Variants in DCDC1 observed in about 807,000 individuals in gnomAD.
DCDC1 encodes doublecortin domain-containing protein 1.
A neutral mutation model predicts 178.3 loss-of-function variants in DCDC1; 200 were observed. The ratio of observed to expected loss-of-function variants is 1.12; its 90% CI spans 1.00 to 1.26. The LOEUF is 1.26. DCDC1 is among the 50% of genes most tolerant of loss of function. DCDC1 has a pLI of 0.00. For synonymous variants in DCDC1, 690 were observed against 604.8 expected (o/e 1.14, Z -2.07); for missense variants, 1,983 against 1,749.2 (o/e 1.13, Z -2.38).
At chr11:31,318,790 C>A (rs1411721298) in intron 3 of DCDC1, among the ~76,000 whole-genome samples, 1 of 61,962 alleles carries the variant, frequency 1.6e-5, no homozygotes, top group South Asian at 4.8e-4. Context: ...CTCTTGTAGG[C>A]ATTTAGTGCT....
At chr11:31,175,572 A>T (rs1005041999) in intron 9 of DCDC1, among the ~76,000 whole-genome samples, 7 of 152,214 alleles carry the variant, frequency 4.6e-5, no homozygotes, top group Non-Finnish European at 7.4e-5. Context: ...AGACCACCAC[A>T]GGGCTGCTCA....
chr11:31,244,834 T>C (rs1305787368), intron 8 of DCDC1, among the ~76,000 whole-genome samples: 1 of 151,768 alleles, frequency 6.6e-6, no homozygotes, highest in Non-Finnish European at 1.5e-5. Context: ...AAGTTATGAC[T>C]ATAGGGCAAA....
chr11:30,961,462 G>C (rs758252757), intron 20 of DCDC1, among the ~76,000 whole-genome samples: 16 of 151,996 alleles, frequency 1.1e-4, no homozygotes, highest in Non-Finnish European at 2.1e-4. Context: ...TAACAAACAT[G>C]AGGGTTAAAA....
rs895571497 is a variant in DCDC1 at position 31,299,751 on chromosome 11, A to G, written c.754+5864T>C. On this transcript the variant is annotated intron_variant, in intron 6 of 38. Transcript: ENST00000684477. ...AGGATGGAGCAAAAGAAGGAAAATAAATAAGGGCAGGTAGAAAAATAACAT... is the reference window on the plus strand; with the variant it reads ...AGGATGGAGCAAAAGAAGGAAAATAGATAAGGGCAGGTAGAAAAATAACAT... Among the ~76,000 whole-genome samples the G allele has an allele frequency of 2.0e-5, 3 of 152,226 alleles. No individual in the cohort carries two copies. The East Asian group carries it at 5.8e-4, about 29-fold the overall frequency.
intron 17 of DCDC1, among the ~76,000 whole-genome samples, chr11:31,089,255 T>A (rs1957656175): frequency 6.6e-6 from 1 of 152,204 alleles, no homozygotes; most frequent in Non-Finnish European, 1.5e-5. Flanking sequence ...TTAAAGATGT[T>A]TTTCCACTGT....
chr11:30,866,297 G>C (rs1315643029), intron 38 of DCDC1, among the ~76,000 whole-genome samples: 1 of 152,146 alleles, frequency 6.6e-6, no homozygotes, highest in African/African-American at 2.4e-5. Context: ...CTGTTCTGGA[G>C]GCTGGGAAGT....
At chr11:31,336,812 T>TGTTA (rs753129778) in intron 1 of DCDC1, among the ~76,000 whole-genome samples, 36 of 152,340 alleles carry the variant, frequency 2.4e-4, no homozygotes, top group Non-Finnish European at 4.3e-4. Context: ...GCCAATGGCA[T>TGTTA]GTTAGTGGAG....
intron 21 of DCDC1, among the ~76,000 whole-genome samples, chr11:30,948,447 T>C (rs745854284): frequency 2.6e-5 from 4 of 152,162 alleles, no homozygotes; most frequent in Non-Finnish European, 5.9e-5. Context: ...ATTTATAGAT[T>C]CAGTGCTCTC....
intron 7 of DCDC1, among the ~76,000 whole-genome samples, chr11:31,275,026 C>G (rs921615928): frequency 6.6e-6 from 1 of 152,046 alleles, no homozygotes; most frequent in African/African-American, 2.4e-5. Context: ...TTGTCCACCA[C>G]TAGACTAAAA....
At chr11:31,085,077 A>G (rs1029334490) in intron 17 of DCDC1, among the ~76,000 whole-genome samples, 1 of 151,696 alleles carries the variant, frequency 6.6e-6, no homozygotes, top group African/African-American at 2.4e-5. Context: ...GAACTATCCC[A>G]TTGAGAAAGG....
chr11:31,235,933 A>G (rs193176792), intron 9 of DCDC1, among the ~76,000 whole-genome samples: 2 of 152,200 alleles, frequency 1.3e-5, no homozygotes, highest in Admixed American at 6.6e-5. Context: ...CATGTAAAAA[A>G]GAAAAACCTC....
chr11:31,365,141 T>C (rs2133414711), intron 1 of DCDC1, among the ~76,000 whole-genome samples: 1 of 152,324 alleles, frequency 6.6e-6, no homozygotes, highest in East Asian at 1.9e-4. Context: ...GTCAACTTTG[T>C]TTTGTGTCTC....
chr11:31,170,916 C>A (rs1210101957), intron 9 of DCDC1, among the ~76,000 whole-genome samples: 2 of 152,030 alleles, frequency 1.3e-5, no homozygotes, highest in Non-Finnish European at 2.9e-5. Flanking sequence ...CGCAACCTTG[C>A]CTCCCGGGTT....
chr11:31,154,060 T>C (rs1179823860), intron 9 of DCDC1, among the ~76,000 whole-genome samples: 1 of 152,074 alleles, frequency 6.6e-6, no homozygotes, highest in Non-Finnish European at 1.5e-5. Context: ...CGCTAGCGAG[T>C]GAGTTCTCAC....
chr11:31,152,979 A>G (rs1027466173), intron 9 of DCDC1, among the ~76,000 whole-genome samples: 2 of 152,166 alleles, frequency 1.3e-5, no homozygotes, highest in African/African-American at 4.8e-5. Flanking sequence ...CTATCTCTAC[A>G]TATTGTTGCC....
In DCDC1 at chr11:31,094,125, G is replaced by A. The variant is rs1469493218; in HGVS notation, c.2043C>T (p.Gly681=). Residue 681 remains glycine (G), a synonymous_variant, in exon 16 of 39, where the codon GGC becomes GGT. Transcript: ENST00000684477. ...TTTGACTCCTGCTGCTTGCTTCACT[G>A]CCTGAGAAACTCCACTTTCCAATGG... is the stretch of plus-strand genomic sequence containing the variant. ...SVSIGKWSFS[G]SEASSRSQIA... 1.3e-6 allele frequency: 1 copy of A among 766,058 alleles called. No homozygotes were observed. Among genetic ancestry groups the A allele is most frequent in the African/African-American group, 1.7e-5 (1 of 59,058 alleles). 47.5% of individuals were successfully genotyped at this position (766,058 alleles called of 1,614,324 possible).
intron 32 of DCDC1, among the ~76,000 whole-genome samples, chr11:30,901,688 C>T (rs1190340563): frequency 6.6e-6 from 1 of 152,058 alleles, no homozygotes; most frequent in East Asian, 1.9e-4. Context: ...AATAATATTA[C>T]TCCAACCAGG....
In DCDC1 at chr11:30,863,717, G is replaced by T. The variant is rs1940800356; in HGVS notation, c.*1656C>A. 6.6e-6 allele frequency: 1 copy of T among 152,230 alleles called. No individual in the cohort carries two copies. Among genetic ancestry groups the T allele is most frequent in the South Asian group, 2.1e-4 (1 of 4,830 alleles). 9.4% of individuals were successfully genotyped at this position (152,230 alleles called of 1,614,324 possible). A position where few individuals can be genotyped will look rare whatever the true frequency, so the allele number is the denominator to read the frequency against. On this transcript the variant is annotated 3_prime_UTR_variant, in exon 39 of 39. Coordinates refer to ENST00000684477, the MANE Select transcript of DCDC1 (RefSeq NM_001387274.1). ...TATTTAGAAATCATCCATTTGAGAA[G>T]TCCAGATTACGTATCCCCCACACCT...
At chr11:30,930,346 T>C (rs1339741059) in intron 22 of DCDC1, among the ~76,000 whole-genome samples, 1 of 152,116 alleles carries the variant, frequency 6.6e-6, no homozygotes, top group Non-Finnish European at 1.5e-5. Context: ...AGTACTTACA[T>C]CCAGCTCTAG....
Sources: gnomAD v4.1 joint callset for allele counts (sites outside exome capture counted in the v4.1 genomes callset) on GRCh38, gnomAD v4.1.1 for gene constraint, MANE v1.5 for transcripts, NCBI Gene and HGNC (gene_info 2026-07-23, HGNC 2026-07-21) for gene names.